The following JAML variants were observed in gnomAD, a reference collection of about 807,000 sequenced individuals.
The protein encoded by JAML is junctional adhesion molecule-like.
Under a neutral mutation model 39.3 loss-of-function variants are expected in JAML, and 25 were observed. The observed-to-expected ratio is 0.64, with a 90% CI of 0.46 to 0.89. JAML has a LOEUF of 0.89. Ranked by LOEUF, JAML falls within the 40% of genes least tolerant of loss-of-function variation. The probability of loss-of-function intolerance (pLI) is 0.00; values close to 1 mark genes in which losing one functional copy is unlikely to be tolerated. For missense variants in JAML, 440 were observed against 486.9 expected (o/e 0.90, Z 0.91); for synonymous variants, 162 against 179.2 (o/e 0.90, Z 0.77).
At chr11:118,197,842 T>G in intron 8 of JAML, 156 bp downstream of exon 8, 1 of 671,902 alleles carries the variant, frequency 1.5e-6, no homozygotes, top group Non-Finnish European at 2.6e-6. Context: ...CCGCAGAGGC[T>G]CTTACTTTAG....
At chr11:118,198,688 A>AG (rs1250817360) in intron 7 of JAML, among the ~76,000 whole-genome samples, 1 of 152,080 alleles carries the variant, frequency 6.6e-6, no homozygotes, top group East Asian at 1.9e-4. Flanking sequence ...AAAAAAAAAA[A>AG]AAAATTCAAG....
rs1053331349 is a variant in JAML at position 118,212,720 on chromosome 11, C to A, written c.44-159G>T. On this transcript the variant is annotated intron_variant, in intron 2 of 9. Coordinates refer to ENST00000356289, the MANE Select transcript of JAML (RefSeq NM_001098526.2). Reference sequence around the variant, plus strand: ...TTCAAAGGCAGCATGGCATCCCTGTCCTCTAGTTACCTATATGGCTCATCA... The same window carrying A: ...TTCAAAGGCAGCATGGCATCCCTGTACTCTAGTTACCTATATGGCTCATCA... The A allele has an allele frequency of 4.0e-6, 6 of 1,509,204 alleles. No homozygotes were observed. In the East Asian group the frequency reaches 1.5e-4, roughly 37 times the overall value. 93.5% of individuals were successfully genotyped at this position (1,509,204 alleles called of 1,614,324 possible).
intron 5 of JAML, chr11:118,204,910 G>A (rs1218687560): frequency 6.6e-6 from 1 of 152,048 alleles, no homozygotes; most frequent in Non-Finnish European, 1.5e-5. Context: ...AAGTTAATGG[G>A]TGTGTAGACA....
At chr11:118,199,987 C>A (rs530275631) in intron 7 of JAML, among the ~76,000 whole-genome samples, 1 of 152,104 alleles carries the variant, frequency 6.6e-6, no homozygotes, top group Non-Finnish European at 1.5e-5. Flanking sequence ...TGAGACACTG[C>A]GCCTGGCCAA....
chr11:118,196,687 A>ACCT (rs1239436819), intron 9 of JAML, 48 bp downstream of exon 9: 1 of 1,527,530 alleles, frequency 6.5e-7, no homozygotes, highest in African/African-American at 1.4e-5. Flanking sequence ...CACCACCACC[A>ACCT]CCTGAGCCTC....
At chr11:118,223,580 G>A (rs1471424276) in intron 1 of JAML, among the ~76,000 whole-genome samples, 4 of 151,996 alleles carry the variant, frequency 2.6e-5, no homozygotes, top group African/African-American at 4.8e-5. Flanking sequence ...AAATAGATTC[G>A]GTTGGCATCA....
rs149616507 is a variant in JAML at position 118,210,618 on chromosome 11, T to C, written c.293A>G (p.Asp98Gly). Residue 98 changes from aspartate (D) to glycine (G), a missense_variant, in exon 4 of 10, where the codon GAT becomes GGT. Coordinates refer to ENST00000356289, the MANE Select transcript of JAML (RefSeq NM_001098526.2). Reference sequence around the variant, plus strand: ...CACATCTTGGAGCAGGAGAGAGCCATCATTGCATAAGATGTCCCCCATCAA... The same window carrying C: ...CACATCTTGGAGCAGGAGAGAGCCACCATTGCATAAGATGTCCCCCATCAA... ...VHLMGDILCN[D>G]GSLLLQDVQE... 3.2e-4 allele frequency: 514 copies of C among 1,614,202 alleles called. 3 individuals are homozygous for C. Among genetic ancestry groups the C allele is most frequent in the Non-Finnish European group, 2.8e-5 (33 of 1,180,024 alleles).
At chr11:118,199,247 T>A (rs752374025) in intron 7 of JAML, among the ~76,000 whole-genome samples, 71 of 152,206 alleles carry the variant, frequency 4.7e-4, no homozygotes, top group Non-Finnish European at 7.2e-4. Flanking sequence ...AAGTGCTACC[T>A]TTCCTTTGGC....
intron 1 of JAML, among the ~76,000 whole-genome samples, chr11:118,218,354 A>G (rs995197584): frequency 2.0e-5 from 3 of 152,178 alleles, no homozygotes; most frequent in Admixed American, 2.0e-4. Flanking sequence ...CAGCCTACCA[A>G]AGGGCTGGGA....
chr11:118,212,428 C>T lies in JAML; in HGVS notation c.177G>A (p.Leu59=), dbSNP rs761586088. 19 of 1,614,114 alleles carry T rather than the reference C, an allele frequency of 1.2e-5. No homozygotes were observed. Among genetic ancestry groups the T allele is most frequent in the Non-Finnish European group, 1.4e-5 (16 of 1,180,006 alleles). The stretch of plus-strand genomic sequence containing the variant: ...TTACCTTGGCGTGCTCTCCTGGTGA[C>T]AGAGTCCAGTCTATCTTGAATATAC... ...DKCIFKIDWT[L]SPGEHAKDEY... Residue 59 remains leucine (L), a synonymous_variant, in exon 3 of 10, where the codon CTG becomes CTA. Coordinates refer to ENST00000356289, the MANE Select transcript of JAML (RefSeq NM_001098526.2).
chr11:118,224,798 A>AT (rs1299995467), intron 1 of JAML, 143 bp downstream of exon 1: 2 of 152,244 alleles, frequency 1.3e-5, no homozygotes, highest in Non-Finnish European at 2.9e-5. Flanking sequence ...ACTTTATGAC[A>AT]TCCCCCTGCA....
At chr11:118,213,111 T>G in intron 2 of JAML, 2 of 1,467,602 alleles carry the variant, frequency 1.4e-6, no homozygotes, top group East Asian at 5.0e-5. Flanking sequence ...GCATTTCCAC[T>G]GTGTTTATCC....
chr11:118,203,368 T>A (rs1427262586), intron 6 of JAML, 60 bp downstream of exon 6: 1 of 1,480,850 alleles, frequency 6.8e-7, no homozygotes, highest in East Asian at 2.3e-5. Flanking sequence ...CTCACTCTAG[T>A]CCTGGCGCCA....
Position 118,194,118 on chromosome 11 carries a change from C to G in JAML, c.*207G>C. ...TCCCACTCCAGAGGCCAAGTCCATG[C>G]TCCCCTCCCCTCAGCAGGCCTGTTC... is the stretch of plus-strand genomic sequence containing the variant. On this transcript the variant is annotated 3_prime_UTR_variant, in exon 10 of 10. Coordinates refer to ENST00000356289, the MANE Select transcript of JAML (RefSeq NM_001098526.2). 1 of 529,444 alleles carries G rather than the reference C, an allele frequency of 1.9e-6. No homozygotes were observed. The highest frequency in any genetic ancestry group is 3.4e-6 in the Non-Finnish European group (1 of 290,994). 32.8% of individuals were successfully genotyped at this position (529,444 alleles called of 1,614,324 possible).
chr11:118,219,832 G>A (rs531937405), intron 1 of JAML, among the ~76,000 whole-genome samples: 2 of 152,340 alleles, frequency 1.3e-5, no homozygotes, highest in African/African-American at 4.8e-5. Flanking sequence ...GACAGCTGAA[G>A]GTCCTGGCCA....
rs144325383 is a variant in JAML at position 118,219,160 on chromosome 11, A to G, written c.-20-4274T>C. Reference sequence around the variant, plus strand: ...GAGAAGACATACAAATGGCCAACACATATATGGAAAAAAATGTTCAATATC... The same window carrying G: ...GAGAAGACATACAAATGGCCAACACGTATATGGAAAAAAATGTTCAATATC... On this transcript the variant is annotated intron_variant, in intron 1 of 9. Transcript: ENST00000356289. Among the ~76,000 whole-genome samples, 310 of 152,336 alleles carry G rather than the reference A, an allele frequency of 2.0e-3. 3 individuals are homozygous for G. The Middle Eastern group carries it at 0.027, about 13-fold the overall frequency.
At position 118,194,411 on chromosome 11, in the gene JAML, C is replaced by T. The variant is rs1002661314; in HGVS notation, c.1099G>A (p.Val367Ile). ...SEATYMTMHP[V>I]WPSLRSDRNN... Reference sequence around the variant, plus strand: ...CGATCTGACCTCAGAGAAGGCCAAACTGGGTGCTGTGGGGGAAGGGCAGAA... The same window carrying T: ...CGATCTGACCTCAGAGAAGGCCAAATTGGGTGCTGTGGGGGAAGGGCAGAA... Residue 367 changes from valine (V) to isoleucine (I), a missense_variant, in exon 10 of 10, where the codon GTT becomes ATT. Val to Ile is a conservative substitution (Grantham distance 29, BLOSUM62 3). Transcript: ENST00000356289. 5.0e-6 allele frequency: 8 copies of T among 1,613,962 alleles called. No homozygotes were observed. In the African/African-American group the frequency reaches 8.0e-5, roughly 16 times the overall value.
At chr11:118,218,769 T>C (rs1949175613) in intron 1 of JAML, among the ~76,000 whole-genome samples, 1 of 152,170 alleles carries the variant, frequency 6.6e-6, no homozygotes, top group South Asian at 2.1e-4. Flanking sequence ...AACAAAATTC[T>C]GGTTGCATAT....
chr11:118,206,689 C>G (rs557783682), intron 4 of JAML, among the ~76,000 whole-genome samples: 44 of 152,264 alleles, frequency 2.9e-4, no homozygotes, highest in Admixed American at 7.9e-4. Flanking sequence ...CTCTCCTGCC[C>G]CCACCCTCCC....
Sources: allele counts gnomAD v4.1 joint callset (sites outside exome capture counted in the v4.1 genomes callset), GRCh38; gene constraint gnomAD v4.1.1; transcripts MANE v1.5; gene names NCBI Gene and HGNC (gene_info 2026-07-23, HGNC 2026-07-21).